Variants in SESN1 observed in about 807,000 individuals in gnomAD.
The protein encoded by SESN1 is sestrin 1.
A neutral mutation model predicts 59.3 loss-of-function variants in SESN1; 30 were observed. That is an observed-to-expected ratio of 0.51 (90% CI 0.38 to 0.69). The LOEUF (loss-of-function observed/expected upper bound fraction) is 0.69. SESN1 is among the 30% of genes least tolerant of loss of function. The pLI, the probability that SESN1 is intolerant of heterozygous loss-of-function variation, is 0.00. For synonymous variants in SESN1, 197 were observed against 219.9 expected (o/e 0.90, Z 0.92); for missense variants, 566 against 673.0 (o/e 0.84, Z 1.76).
intron 1 of SESN1, among the ~76,000 whole-genome samples, chr6:109,085,067 A>C (rs1226925086): frequency 6.6e-6 from 1 of 151,516 alleles, no homozygotes; most frequent in African/African-American, 2.4e-5. Context: ...TTTCTTTTAT[A>C]CAGTAACTTT....
intron 1 of SESN1, chr6:109,088,185 A>G (rs1781248050): frequency 6.6e-6 from 1 of 152,018 alleles, no homozygotes; most frequent in Non-Finnish European, 1.5e-5. Flanking sequence ...GCAGATAGTC[A>G]TGTCTGCACA....
intron 1 of SESN1, among the ~76,000 whole-genome samples, chr6:109,053,736 A>G (rs1238002177): frequency 1.3e-5 from 2 of 152,206 alleles, no homozygotes; most frequent in African/African-American, 2.4e-5. Flanking sequence ...GGGAAAGAAA[A>G]TTCATAAAGG....
chr6:108,997,008 A>G (rs1355030570), intron 5 of SESN1, among the ~76,000 whole-genome samples: 1 of 152,200 alleles, frequency 6.6e-6, no homozygotes, highest in Non-Finnish European at 1.5e-5. Flanking sequence ...GAGAGTAAAG[A>G]AATGAATAAG....
At chr6:109,013,376 G>A (rs1262450460) in intron 1 of SESN1, among the ~76,000 whole-genome samples, 1 of 152,180 alleles carries the variant, frequency 6.6e-6, no homozygotes, top group Non-Finnish European at 1.5e-5. Flanking sequence ...AGTGGATTCT[G>A]TCTCTCCAGT....
intron 8 of SESN1, among the ~76,000 whole-genome samples, chr6:108,990,046 TAGAA>T (rs1457970941): frequency 1.3e-5 from 2 of 152,202 alleles, no homozygotes; most frequent in Non-Finnish European, 2.9e-5. Flanking sequence ...TCTCTGATAA[TAGAA>T]AGCCTGATTT....
At chr6:109,089,831 C>T (rs149829217) in intron 1 of SESN1, among the ~76,000 whole-genome samples, 16 of 152,316 alleles carry the variant, frequency 1.1e-4, no homozygotes, top group African/African-American at 3.4e-4. Flanking sequence ...TCCTGCCCTA[C>T]CTCACATCCT....
chr6:109,018,355 T>C (rs1022660675), intron 1 of SESN1, among the ~76,000 whole-genome samples: 1 of 152,258 alleles, frequency 6.6e-6, no homozygotes, highest in African/African-American at 2.4e-5. Context: ...CTTGTAAATG[T>C]ATAAATGTGT....
chr6:109,038,415 C>A (rs1196683569), intron 1 of SESN1, among the ~76,000 whole-genome samples: 2 of 152,232 alleles, frequency 1.3e-5, no homozygotes, highest in Non-Finnish European at 2.9e-5. Flanking sequence ...TTGCTTGAAC[C>A]TGGTTGTCAG....
chr6:109,075,147 C>G lies in SESN1; in HGVS notation c.279+18648G>C, dbSNP rs115541632. Among the ~76,000 whole-genome samples the G allele has an allele frequency of 3.7e-3, 571 of 152,312 alleles. 3 individuals are homozygous for G. Among genetic ancestry groups the G allele is most frequent in the African/African-American group, 0.013 (545 of 41,562 alleles). ...ATACTATCACTAGCTGAAGCACACT[C>G]TATTCTGACATTAATCAGGTTTCTA... is the stretch of plus-strand genomic sequence containing the variant. On this transcript the variant is annotated intron_variant, in intron 1 of 9. Coordinates refer to ENST00000436639, the MANE Select transcript of SESN1 (RefSeq NM_014454.3).
chr6:108,985,307 G>A lies in SESN1; in HGVS notation c.*2237C>T, dbSNP rs947881569. Among the ~76,000 whole-genome samples the A allele has an allele frequency of 6.6e-6, 1 of 152,026 alleles. No individual in the cohort carries two copies. Among genetic ancestry groups the A allele is most frequent in the Non-Finnish European group, 1.5e-5 (1 of 67,986 alleles). ...AAAACAACTCAAGATTTTAACTCTT[G>A]AATCCTGGGACCCTCAACCAGAAAT... On this transcript the variant is annotated 3_prime_UTR_variant, in exon 10 of 10. Transcript: ENST00000436639.
rs1458677407 is a variant in SESN1 at position 109,023,085 on chromosome 6, C to T, written c.280-20742G>A. ...CAAATCAGTAGAACAGTATCCCTCT[C>T]CAGCAAATCTGAACTGGTTCCCCAT... On this transcript the variant is annotated intron_variant, in intron 1 of 9. Transcript: ENST00000436639. 3.3e-5 allele frequency among the ~76,000 whole-genome samples: 5 copies of T among 152,274 alleles called. No individual in the cohort carries two copies. The East Asian group carries it at 9.7e-4, about 29-fold the overall frequency.
chr6:109,049,116 G>A (rs932758699), intron 1 of SESN1, among the ~76,000 whole-genome samples: 9 of 152,014 alleles, frequency 5.9e-5, no homozygotes, highest in African/African-American at 1.9e-4. Context: ...GCACATAAAA[G>A]TAGGAAAAGT....
At chr6:109,073,003 A>T (rs1304961794) in intron 1 of SESN1, among the ~76,000 whole-genome samples, 1 of 151,208 alleles carries the variant, frequency 6.6e-6, no homozygotes, top group African/African-American at 2.4e-5. Flanking sequence ...ATAAAAAATA[A>T]AGTGTTTTTT....
intron 1 of SESN1, among the ~76,000 whole-genome samples, chr6:109,067,955 G>A (rs1430797692): frequency 6.6e-6 from 1 of 152,210 alleles, no homozygotes; most frequent in Non-Finnish European, 1.5e-5. Context: ...AGGACAGGGA[G>A]AAGAAGGTCA....
At chr6:109,086,735 T>C (rs1252541322) in intron 1 of SESN1, among the ~76,000 whole-genome samples, 1 of 150,748 alleles carries the variant, frequency 6.6e-6, no homozygotes, top group East Asian at 1.9e-4. Context: ...TACAAAATAC[T>C]ATATCCCATT....
chr6:109,078,862 T>G (rs1341945486), intron 1 of SESN1, among the ~76,000 whole-genome samples: 1 of 152,184 alleles, frequency 6.6e-6, no homozygotes, highest in Non-Finnish European at 1.5e-5. Flanking sequence ...ATAACAACCC[T>G]GTAATTCTGT....
chr6:109,029,795 G>A (rs1432771461), intron 1 of SESN1, among the ~76,000 whole-genome samples: 2 of 152,148 alleles, frequency 1.3e-5, no homozygotes, highest in Non-Finnish European at 2.9e-5. Context: ...GCCTCCCAAA[G>A]TGCTGGGATT....
At chr6:109,006,208 CAA>C (rs969515332) in intron 1 of SESN1, among the ~76,000 whole-genome samples, 1 of 152,100 alleles carries the variant, frequency 6.6e-6, no homozygotes, top group Non-Finnish European at 1.5e-5. Context: ...ATGAAAAAGT[CAA>C]GAGTCTTAGA....
intron 1 of SESN1, among the ~76,000 whole-genome samples, chr6:109,009,940 T>C (rs1009812704): frequency 6.6e-6 from 1 of 152,124 alleles, no homozygotes; most frequent in Middle Eastern, 3.2e-3. Flanking sequence ...CCAGGAGTAA[T>C]GAAGTTCTCT....
Sources: gnomAD v4.1 joint callset for allele counts (sites outside exome capture counted in the v4.1 genomes callset) on GRCh38, gnomAD v4.1.1 for gene constraint, MANE v1.5 for transcripts, NCBI Gene and HGNC (gene_info 2026-07-23, HGNC 2026-07-21) for gene names.